The following PHACTR1 variants were observed in gnomAD, a reference collection of about 807,000 sequenced individuals.
PHACTR1 encodes the protein RPEL repeat containing 1.
A neutral mutation model predicts 69.2 loss-of-function variants in PHACTR1; 16 were observed. The ratio of observed to expected loss-of-function variants is 0.23; its 90% CI spans 0.16 to 0.35. The LOEUF (loss-of-function observed/expected upper bound fraction) is 0.35, where lower values mean the gene tolerates loss of function less well. Among genes scored for constraint, PHACTR1 ranks in the 10% least tolerant of loss-of-function variants. The pLI is 1.00. For missense variants in PHACTR1, 510 were observed against 734.7 expected (o/e 0.69, Z 3.54); for synonymous variants, 312 against 284.5 (o/e 1.10, Z -0.97).
intron 4 of PHACTR1, among the ~76,000 whole-genome samples, chr6:12,832,662 T>G (rs1431364649): frequency 6.6e-6 from 1 of 152,148 alleles, no homozygotes; most frequent in Non-Finnish European, 1.5e-5. Context: ...TTAAATGTGG[T>G]GTAATGCTCA....
intron 3 of PHACTR1, among the ~76,000 whole-genome samples, chr6:12,725,885 A>T (rs988583307): frequency 6.6e-6 from 1 of 152,170 alleles, no homozygotes; most frequent in Non-Finnish European, 1.5e-5. Context: ...TTTTTAAAAA[A>T]ATTTTTATAT....
chr6:12,827,884 G>T (rs1776978891), intron 4 of PHACTR1, among the ~76,000 whole-genome samples: 1 of 97,256 alleles, frequency 1.0e-5, no homozygotes, highest in Non-Finnish European at 2.1e-5. Flanking sequence ...TGAGGGTGAG[G>T]GGGGGTGAAG....
At chr6:13,043,726 G>T (rs577128236) in intron 4 of PHACTR1, among the ~76,000 whole-genome samples, 20 of 152,286 alleles carry the variant, frequency 1.3e-4, no homozygotes, top group African/African-American at 3.6e-4. Flanking sequence ...GCTTTGTTGA[G>T]GTGGGATTTG....
chr6:13,014,939 C>T (rs1306230512), intron 4 of PHACTR1, among the ~76,000 whole-genome samples: 3 of 152,222 alleles, frequency 2.0e-5, no homozygotes, highest in Admixed American at 6.5e-5. Flanking sequence ...TGCATTTGCG[C>T]GACCCTCCAG....
In PHACTR1 at chr6:13,101,222, C is replaced by G. The variant is rs191489972; in HGVS notation, c.415+47693C>G. On this transcript the variant is annotated intron_variant, in intron 5 of 14. Coordinates refer to ENST00000332995, the MANE Select transcript of PHACTR1 (RefSeq NM_030948.6). ...TGCTGTGTCAGCCCATGATGAAAGG[C>G]CAAAGGGCAAGTAAGGGCAAGAGCA... Among the ~76,000 whole-genome samples the G allele has an allele frequency of 1.9e-3, 297 of 152,318 alleles. 1 individual carries two copies. Among genetic ancestry groups the G allele is most frequent in the Non-Finnish European group, 2.8e-3 (188 of 68,032 alleles).
At chr6:12,925,076 G>C (rs1788129084) in intron 4 of PHACTR1, among the ~76,000 whole-genome samples, 1 of 152,136 alleles carries the variant, frequency 6.6e-6, no homozygotes, top group Non-Finnish European at 1.5e-5. Flanking sequence ...CTTGGCATAT[G>C]CTTTCCTGGC....
intron 5 of PHACTR1, among the ~76,000 whole-genome samples, chr6:13,054,667 C>G (rs1806508316): frequency 6.6e-6 from 1 of 152,194 alleles, no homozygotes; most frequent in Non-Finnish European, 1.5e-5. Context: ...TATAAAGACA[C>G]TAATTCCATC....
intron 4 of PHACTR1, among the ~76,000 whole-genome samples, chr6:12,864,319 A>G (rs550485325): frequency 1.3e-5 from 2 of 152,144 alleles, no homozygotes; most frequent in Non-Finnish European, 2.9e-5. Flanking sequence ...CATTTTTAAC[A>G]TGTTCTCAGG....
intron 5 of PHACTR1, among the ~76,000 whole-genome samples, chr6:13,118,173 G>A (rs1313188056): frequency 6.6e-6 from 1 of 152,168 alleles, no homozygotes. Context: ...TGGGTCTTCT[G>A]CTTCCTCCAC....
chr6:12,848,874 T>C (rs925477377), intron 4 of PHACTR1, among the ~76,000 whole-genome samples: 1 of 152,092 alleles, frequency 6.6e-6, no homozygotes, highest in African/African-American at 2.4e-5. Flanking sequence ...TGGCTGACAG[T>C]CAAAGGACAT....
chr6:12,761,671 G>C (rs1768031772), intron 4 of PHACTR1, among the ~76,000 whole-genome samples: 1 of 152,176 alleles, frequency 6.6e-6, no homozygotes, highest in Non-Finnish European at 1.5e-5. Flanking sequence ...CTTAGCCCAA[G>C]GCAGACACTC....
intron 5 of PHACTR1, among the ~76,000 whole-genome samples, chr6:13,062,989 C>A (rs1476934611): frequency 6.6e-6 from 1 of 152,130 alleles, no homozygotes; most frequent in Non-Finnish European, 1.5e-5. Flanking sequence ...GGGTTACAGG[C>A]CTTGCACTCT....
At chr6:12,901,154 G>A (rs1785146047) in intron 4 of PHACTR1, among the ~76,000 whole-genome samples, 1 of 152,124 alleles carries the variant, frequency 6.6e-6, no homozygotes, top group Non-Finnish European at 1.5e-5. Flanking sequence ...GGCAAACCAT[G>A]GGCTGATGGA....
At chr6:12,832,258 A>G (rs1011676399) in intron 4 of PHACTR1, among the ~76,000 whole-genome samples, 1 of 152,132 alleles carries the variant, frequency 6.6e-6, no homozygotes, top group Non-Finnish European at 1.5e-5. Context: ...AGCACTTATT[A>G]TAGGGAGAAC....
At chr6:13,017,321 G>A (rs2127659746) in intron 4 of PHACTR1, among the ~76,000 whole-genome samples, 1 of 152,020 alleles carries the variant, frequency 6.6e-6, no homozygotes, top group Middle Eastern at 3.4e-3. Context: ...GTATTGTGGT[G>A]TCTGTTTATA....
intron 4 of PHACTR1, among the ~76,000 whole-genome samples, chr6:12,831,220 C>A (rs1777545390): frequency 6.6e-6 from 1 of 152,180 alleles, no homozygotes; most frequent in Admixed American, 6.5e-5. Context: ...TGAACAAATA[C>A]ATGAATGAAC....
chr6:13,045,521 A>G (rs561751084), intron 4 of PHACTR1, among the ~76,000 whole-genome samples: 1 of 152,350 alleles, frequency 6.6e-6, no homozygotes, highest in Non-Finnish European at 1.5e-5. Context: ...TTTCTGATAC[A>G]GTGGCCTACG....
chr6:13,242,695 A>G (rs922626941), intron 10 of PHACTR1, among the ~76,000 whole-genome samples: 1 of 152,250 alleles, frequency 6.6e-6, no homozygotes, highest in Non-Finnish European at 1.5e-5. Context: ...CTTTTGCTTT[A>G]AAGGAAAAAC....
intron 3 of PHACTR1, among the ~76,000 whole-genome samples, chr6:12,745,825 A>G (rs181967739): frequency 8.5e-5 from 13 of 152,324 alleles, no homozygotes; most frequent in Admixed American, 8.5e-4. Context: ...TTGCATTTTT[A>G]TAGTGGAGGT....
Sources: gnomAD v4.1 joint callset for allele counts (sites outside exome capture counted in the v4.1 genomes callset) on GRCh38, gnomAD v4.1.1 for gene constraint, MANE v1.5 for transcripts, NCBI Gene and HGNC (gene_info 2026-07-23, HGNC 2026-07-21) for gene names.